HERC1: variants seen among roughly 807,000 people sequenced by gnomAD.
HERC1 encodes probable E3 ubiquitin-protein ligase HERC1.
A neutral mutation model predicts 554.3 loss-of-function variants in HERC1; 160 were observed. The observed-to-expected ratio is 0.29, with a 90% CI of 0.25 to 0.33. The LOEUF (loss-of-function observed/expected upper bound fraction) is 0.33. Among genes scored for constraint, HERC1 ranks in the 10% least tolerant of loss-of-function variants. The probability of loss-of-function intolerance (pLI) is 1.00; values close to 1 mark genes in which losing one functional copy is unlikely to be tolerated. For synonymous variants in HERC1, 2,175 were observed against 2,131.7 expected, an observed-to-expected ratio of 1.02 and a Z score of -0.56; for missense variants, 4,919 against 5,918.5, an observed-to-expected ratio of 0.83 and a Z score of 5.54.
chr15:63,698,419 C>CAAAAAA (rs57040637), intron 26 of HERC1, among the ~76,000 whole-genome samples: 1 of 80,706 alleles, frequency 1.2e-5, no homozygotes. Flanking sequence ...ACTCCGTCTC[C>CAAAAAA]AAAAAAAAAA....
intron 77 of HERC1, among the ~76,000 whole-genome samples, chr15:63,610,463 G>A (rs1047292953): frequency 3.9e-5 from 6 of 152,194 alleles, no homozygotes; most frequent in Admixed American, 2.0e-4. Flanking sequence ...CTCCTAGAAC[G>A]GCAGGAGTAG....
At chr15:63,745,440 G>C (rs2075020455) in intron 12 of HERC1, among the ~76,000 whole-genome samples, 1 of 152,306 alleles carries the variant, frequency 6.6e-6, no homozygotes, top group Non-Finnish European at 1.5e-5. Flanking sequence ...TGGATCACTG[G>C]GATCAGCAGT....
Position 63,738,634 on chromosome 15 carries a change from G to A in HERC1, c.2521-3785C>T, listed in dbSNP as rs141220405. ...GCATACAAGAAACAGCAGCAATGTG[G>A]TTACTGCAAATAGATAAATTACTAT... On this transcript the variant is annotated intron_variant, in intron 12 of 77. Coordinates refer to ENST00000443617, the MANE Select transcript of HERC1 (RefSeq NM_003922.4). Among the ~76,000 whole-genome samples, 79 of 152,224 alleles carry A rather than the reference G, an allele frequency of 5.2e-4. No homozygotes were observed. The East Asian group carries it at 0.014, about 27-fold the overall frequency.
chr15:63,715,813 T>C (rs1192199052), intron 22 of HERC1, among the ~76,000 whole-genome samples: 3 of 152,224 alleles, frequency 2.0e-5, no homozygotes, highest in African/African-American at 7.2e-5. Context: ...ACCCAGTCAA[T>C]AGCAGTCTCA....
chr15:63,703,121 A>AG (rs2072816824), intron 25 of HERC1, among the ~76,000 whole-genome samples: 1 of 150,466 alleles, frequency 6.6e-6, no homozygotes, highest in East Asian at 1.9e-4. Flanking sequence ...AAAAAAAAAA[A>AG]AAAAAAAGAG....
intron 1 of HERC1, among the ~76,000 whole-genome samples, chr15:63,793,391 C>A (rs1351948307): frequency 6.6e-6 from 1 of 152,190 alleles, no homozygotes; most frequent in Non-Finnish European, 1.5e-5. Context: ...AATTATAATG[C>A]ATTAGTATGC....
chr15:63,755,182 A>G (rs984075636), intron 6 of HERC1, 47 bp downstream of exon 6: 50 of 1,300,900 alleles, frequency 3.8e-5, no homozygotes, highest in Non-Finnish European at 5.4e-5. Context: ...TAACTTAATC[A>G]TTTCTAATTT....
chr15:63,770,807 C>T (rs1382731649), intron 2 of HERC1, among the ~76,000 whole-genome samples: 2 of 152,070 alleles, frequency 1.3e-5, no homozygotes, highest in African/African-American at 2.4e-5. Context: ...AAATTCAAGA[C>T]GGGGAGGATC....
intron 25 of HERC1, among the ~76,000 whole-genome samples, chr15:63,703,410 A>G (rs1030090733): frequency 2.0e-5 from 3 of 152,234 alleles, no homozygotes; most frequent in Admixed American, 1.3e-4. Context: ...GTATACACCC[A>G]TTGTCATTTA....
chr15:63,670,535 T>C (rs1045746771), intron 39 of HERC1, among the ~76,000 whole-genome samples: 1 of 152,142 alleles, frequency 6.6e-6, no homozygotes, highest in Non-Finnish European at 1.5e-5. Context: ...AAGAGCCAAG[T>C]GCAACTCTAA....
At chr15:63,664,008 T>C (rs1423221841) in intron 43 of HERC1, among the ~76,000 whole-genome samples, 1 of 152,218 alleles carries the variant, frequency 6.6e-6, no homozygotes, top group Non-Finnish European at 1.5e-5. Context: ...AACGTAATCC[T>C]AGAATTTACT....
chr15:63,789,854 A>G (rs2076584534), intron 1 of HERC1, among the ~76,000 whole-genome samples: 1 of 129,648 alleles, frequency 7.7e-6, no homozygotes, highest in African/African-American at 2.8e-5. Flanking sequence ...TATATTCTAG[A>G]CATTTTTATT....
rs2074190067 is a variant in HERC1, at chr15:63,729,574, GCTGA to G, written c.2940_2943del (p.Gln981LeufsTer69). 3 of 1,613,508 alleles carry G rather than the reference GCTGA, an allele frequency of 1.9e-6. No homozygotes were observed. The highest frequency in any genetic ancestry group is 1.3e-5 in the African/African-American group (1 of 74,896). ...CATAGCAGTTCATGAAGATGAGCAG[GCTGA>G]CTGTTTTCTGATGATGATGTTCCAA... On this transcript the variant is annotated frameshift_variant, in exon 15 of 78. Transcript: ENST00000443617. LOFTEE classifies it high-confidence loss of function.
chr15:63,723,457 A>T, intron 18 of HERC1, 102 bp from the exon 19 acceptor site: 1 of 831,208 alleles, frequency 1.2e-6, no homozygotes, highest in South Asian at 2.2e-5. Context: ...GATAAACTTC[A>T]AACCATTTTA....
chr15:63,687,282 G>A (rs1361593317), intron 33 of HERC1, among the ~76,000 whole-genome samples: 2 of 152,170 alleles, frequency 1.3e-5, no homozygotes, highest in African/African-American at 4.8e-5. Context: ...GCTCACACTT[G>A]TAATCCCAGC....
intron 1 of HERC1, among the ~76,000 whole-genome samples, chr15:63,805,532 T>C (rs568625644): frequency 2.0e-5 from 3 of 152,332 alleles, no homozygotes; most frequent in South Asian, 2.1e-4. Context: ...CTGGGTATGA[T>C]GAAAAGAGAC....
Position 63,616,668 on chromosome 15 carries a change from G to C in HERC1, c.13703C>G (p.Pro4568Arg). Residue 4568 changes from proline to arginine, a missense_variant, in exon 75 of 78, where the codon CCT (proline) becomes CGT (arginine). Physicochemically the swap from Pro to Arg is moderately radical, Grantham distance 103. Around this residue, in one of 11 missense-constraint regions of HERC1, gnomAD observed 284 missense variants for 294.1 expected, o/e 0.97. Coordinates refer to ENST00000443617, the MANE Select transcript of HERC1 (RefSeq NM_003922.4). ...GYNRDRFLFN[P>R]SACLDEHLMQ... ...TAAGTGTTCATCGAGGCAGGCAGAA[G>C]GGTTAAAAAGGAACCTGTAAAATTA... 3.1e-6 allele frequency: 5 copies of C among 1,613,096 alleles called. No homozygotes were observed. The highest frequency in any genetic ancestry group is 2.2e-5 in the East Asian group (1 of 44,870).
At chr15:63,815,447 T>C (rs900018068) in intron 1 of HERC1, among the ~76,000 whole-genome samples, 1 of 152,236 alleles carries the variant, frequency 6.6e-6, no homozygotes, top group Non-Finnish European at 1.5e-5. Context: ...AACAAGAGTA[T>C]GCCTACTGCA....
chr15:63,658,607 G>A lies in HERC1; in HGVS notation c.9536C>T (p.Ala3179Val). 6.2e-7 allele frequency: 1 copy of A among 1,613,974 alleles called. No homozygotes were observed. Among genetic ancestry groups the A allele is most frequent in the East Asian group, 2.2e-5 (1 of 44,876 alleles). Residue 3179 changes from alanine (A) to valine (V), a missense_variant, in exon 48 of 78, where the codon GCT becomes GTT. By Grantham distance (64) the Ala-to-Val change is moderately conservative. Coordinates refer to ENST00000443617, the MANE Select transcript of HERC1 (RefSeq NM_003922.4). ...DRVVALRRVT[A>V]AAQVLLARTM... ...TCTGGCCAGAAGAACCTGAGCAGCA[G>A]CAGTCACTCTCCTTAAAGCCACCAC...
Sources: gnomAD v4.1 joint callset for allele counts (sites outside exome capture counted in the v4.1 genomes callset) on GRCh38, gnomAD v4.1.1 for gene constraint, gnomAD v4.1.1 regional missense constraint, MANE v1.5 for transcripts, NCBI Gene and HGNC (gene_info 2026-07-23, HGNC 2026-07-21) for gene names.